SYN3: variants seen among roughly 807,000 people sequenced by gnomAD.
The protein encoded by SYN3 is synapsin III, also known as synapsin-3.
SYN3 carries 35 observed loss-of-function variants against 65.8 expected under a neutral mutation model. The ratio of observed to expected loss-of-function variants is 0.53; its 90% confidence interval spans 0.41 to 0.70. SYN3 has a LOEUF of 0.70. SYN3 is among the 30% of genes least tolerant of loss of function. SYN3 has a pLI of 0.00. For missense variants in SYN3, 680 were observed against 749.0 expected, an observed-to-expected ratio of 0.91 and a Z score of 1.08; for synonymous variants, 270 against 292.9, an observed-to-expected ratio of 0.92 and a Z score of 0.80.
At chr22:32,615,456 A>AAAAGAAAG (rs1299168968) in intron 6 of SYN3, among the ~76,000 whole-genome samples, 1 of 151,404 alleles carries the variant, frequency 6.6e-6, no homozygotes, top group Admixed American at 6.6e-5. Flanking sequence ...AAAAAAGAAA[A>AAAAGAAAG]AAAGAAAGAA....
intron 6 of SYN3, among the ~76,000 whole-genome samples, chr22:32,621,089 G>C (rs1018072232): frequency 2.0e-5 from 3 of 152,110 alleles, no homozygotes; most frequent in Non-Finnish European, 2.9e-5. Flanking sequence ...AATGCAGAAG[G>C]GTTCTGGAGC....
At chr22:32,789,882 G>A (rs1602153086) in intron 6 of SYN3, among the ~76,000 whole-genome samples, 1 of 152,302 alleles carries the variant, frequency 6.6e-6, no homozygotes, top group East Asian at 1.9e-4. Flanking sequence ...TGGGTGGGAG[G>A]AAAGGCTACT....
intron 6 of SYN3, among the ~76,000 whole-genome samples, chr22:32,850,722 C>G (rs2048194600): frequency 6.6e-6 from 1 of 152,148 alleles, no homozygotes. Context: ...GCATCCCTAG[C>G]AATTAGGGTA....
chr22:32,641,693 T>C (rs1429188444), intron 6 of SYN3, among the ~76,000 whole-genome samples: 9 of 151,572 alleles, frequency 5.9e-5, no homozygotes, highest in Non-Finnish European at 1.3e-4. Flanking sequence ...GAGTATGATG[T>C]TTCTCGCTGG....
rs181292491 is a variant in SYN3, at chr22:32,882,809, G to A, written c.462-13684C>T. Among the ~76,000 whole-genome samples, 610 of 151,642 alleles carry A rather than the reference G, an allele frequency of 4.0e-3. 3 individuals are homozygous for A. The highest frequency in any genetic ancestry group is 6.7e-3 in the South Asian group (32 of 4,802). ...AACTATCTATGTGTAAGATTATTCCGAACTTTGCAATATGTATATGAATAT... is the reference window on the plus strand; with the variant it reads ...AACTATCTATGTGTAAGATTATTCCAAACTTTGCAATATGTATATGAATAT... On this transcript the variant is annotated intron_variant, in intron 4 of 13. Coordinates refer to ENST00000358763, the MANE Select transcript of SYN3 (RefSeq NM_003490.4).
chr22:33,037,556 C>T (rs1262133377), intron 1 of SYN3, among the ~76,000 whole-genome samples: 3 of 152,212 alleles, frequency 2.0e-5, no homozygotes, highest in East Asian at 1.9e-4. Flanking sequence ...CTTGGCTAGG[C>T]AGTTTCCCTG....
At chr22:32,990,834 G>A (rs1027911402) in intron 2 of SYN3, among the ~76,000 whole-genome samples, 1 of 151,936 alleles carries the variant, frequency 6.6e-6, no homozygotes, top group African/African-American at 2.4e-5. Context: ...GATCACTGGA[G>A]GTGGGGAGTT....
intron 3 of SYN3, among the ~76,000 whole-genome samples, chr22:32,954,418 CA>C (rs36087583): frequency 0.19 from 28,998 of 152,140 alleles, 3,381 homozygotes; most frequent in Non-Finnish European, 0.26. Context: ...GTGGATAGGG[CA>C]AATGTTCAGA....
chr22:32,912,996 C>T (rs962353939), intron 4 of SYN3, among the ~76,000 whole-genome samples: 5 of 152,002 alleles, frequency 3.3e-5, no homozygotes, highest in Admixed American at 6.5e-5. Context: ...GGACTTTGGA[C>T]GACGATGGTG....
intron 4 of SYN3, among the ~76,000 whole-genome samples, chr22:32,909,468 G>T (rs999530459): frequency 4.6e-5 from 7 of 152,150 alleles, no homozygotes; most frequent in African/African-American, 1.7e-4. Context: ...TTATTACGAT[G>T]ATGGAGACAG....
intron 3 of SYN3, among the ~76,000 whole-genome samples, chr22:32,970,580 G>A (rs2051989906): frequency 6.6e-6 from 1 of 151,554 alleles, no homozygotes; most frequent in Non-Finnish European, 1.5e-5. Flanking sequence ...GGTAAAGACG[G>A]AGAGCTACGT....
chr22:32,913,198 T>C (rs568705706), intron 4 of SYN3, among the ~76,000 whole-genome samples: 3 of 151,952 alleles, frequency 2.0e-5, no homozygotes, highest in South Asian at 2.1e-4. Context: ...TCTCGCTCTG[T>C]CGCCCAGGCT....
chr22:32,665,100 G>A (rs1271848324), intron 6 of SYN3, among the ~76,000 whole-genome samples: 1 of 145,912 alleles, frequency 6.9e-6, no homozygotes, highest in Non-Finnish European at 1.5e-5. Flanking sequence ...CTGGTTCAAG[G>A]GATTCTCATG....
At chr22:32,902,744 C>T (rs1219289862) in intron 4 of SYN3, among the ~76,000 whole-genome samples, 4 of 151,962 alleles carry the variant, frequency 2.6e-5, no homozygotes, top group Non-Finnish European at 5.9e-5. Context: ...CGTCACTGAC[C>T]ATGGGAAAAT....
intron 6 of SYN3, among the ~76,000 whole-genome samples, chr22:32,855,381 T>C (rs2048336161): frequency 6.6e-6 from 1 of 152,196 alleles, no homozygotes; most frequent in Non-Finnish European, 1.5e-5. Flanking sequence ...GGAAATAGCA[T>C]TTGCCTGCTT....
chr22:32,892,899 G>A (rs2049491543), intron 4 of SYN3, among the ~76,000 whole-genome samples: 1 of 152,104 alleles, frequency 6.6e-6, no homozygotes, highest in Non-Finnish European at 1.5e-5. Flanking sequence ...TTAGAGAAGT[G>A]AATTTAAGGG....
At chr22:32,758,105 A>G (rs1395547651) in intron 6 of SYN3, among the ~76,000 whole-genome samples, 2 of 152,208 alleles carry the variant, frequency 1.3e-5, no homozygotes, top group Admixed American at 6.5e-5. Context: ...ATGCCACATA[A>G]GATTTATTGA....
At chr22:33,054,722 T>C (rs1048004824) in intron 1 of SYN3, among the ~76,000 whole-genome samples, 10 of 152,232 alleles carry the variant, frequency 6.6e-5, no homozygotes, top group African/African-American at 2.2e-4. Context: ...TTAAGGTTCA[T>C]CCACATTGCA....
chr22:32,890,008 T>TA lies in SYN3; in HGVS notation c.462-20884dup, dbSNP rs570218491. 1.4e-3 allele frequency among the ~76,000 whole-genome samples: 206 copies of TA among 151,502 alleles called. 1 individual carries two copies. Among genetic ancestry groups the TA allele is most frequent in the Non-Finnish European group, 2.5e-3 (168 of 67,904 alleles). On this transcript the variant is annotated intron_variant, in intron 4 of 13. Coordinates refer to ENST00000358763, the MANE Select transcript of SYN3 (RefSeq NM_003490.4). ...ATTAAATTGATCTTTAATTTTTTTTTATCCTAAAAAAAAATTTCGTGGTTT... is the reference window on the plus strand; with the variant it reads ...ATTAAATTGATCTTTAATTTTTTTTTAATCCTAAAAAAAAATTTCGTGGTTT...
Sources: allele counts gnomAD v4.1 joint callset (sites outside exome capture counted in the v4.1 genomes callset), GRCh38; gene constraint gnomAD v4.1.1; transcripts MANE v1.5; gene names NCBI Gene and HGNC (gene_info 2026-07-23, HGNC 2026-07-21).